The following GABRB3 variants were observed in gnomAD, a reference collection of about 807,000 sequenced individuals.
GABRB3 encodes the protein gamma-aminobutyric acid type A receptor subunit beta3, also known as gamma-aminobutyric acid receptor subunit beta-3.
In GABRB3, 14 loss-of-function variants were observed where a neutral mutation model predicts 52.1. That is an observed-to-expected ratio of 0.27 (90% confidence interval 0.18 to 0.42). The LOEUF (loss-of-function observed/expected upper bound fraction) is 0.42, where lower values mean the gene tolerates loss of function less well. Ranked by LOEUF, GABRB3 falls within the 10% of genes least tolerant of loss-of-function variation. The probability of loss-of-function intolerance (pLI) is 1.00; values close to 1 mark genes in which losing one functional copy is unlikely to be tolerated. For synonymous variants in GABRB3, 260 were observed against 232.3 expected (o/e 1.12, Z -1.08); for missense variants, 307 against 609.1 (o/e 0.50, Z 5.22).
At chr15:26,617,851 A>AG (rs1392156931) in intron 4 of GABRB3, among the ~76,000 whole-genome samples, 1 of 151,766 alleles carries the variant, frequency 6.6e-6, no homozygotes, top group African/African-American at 2.4e-5. Flanking sequence ...AAAAATCACA[A>AG]GCATTCTTAT....
chr15:26,723,390 C>A (rs1322609181), intron 3 of GABRB3, among the ~76,000 whole-genome samples: 1 of 152,192 alleles, frequency 6.6e-6, no homozygotes, highest in Admixed American at 6.5e-5. Flanking sequence ...TGGAATATAA[C>A]CCCTCCCTAC....
chr15:26,686,029 TC>T (rs1159116624), intron 3 of GABRB3, among the ~76,000 whole-genome samples: 3 of 152,124 alleles, frequency 2.0e-5, no homozygotes, highest in African/African-American at 7.2e-5. Context: ...CCGGCTGGTC[TC>T]GAATTCCTGG....
chr15:26,764,165 AAAAAAAAAAAAAAAATATATATATAT>A (rs1890907770), intron 3 of GABRB3, among the ~76,000 whole-genome samples: 2 of 39,940 alleles, frequency 5.0e-5, no homozygotes, highest in South Asian at 1.4e-3. Flanking sequence ...AAAAAAAAAA[AAAAAAAAAAAAAAAATATATATATAT>A]ATATATATAT....
At chr15:26,677,844 A>G (rs1888116638) in intron 3 of GABRB3, among the ~76,000 whole-genome samples, 2 of 152,210 alleles carry the variant, frequency 1.3e-5, no homozygotes, top group Non-Finnish European at 2.9e-5. Flanking sequence ...CAGGGAACTA[A>G]AACTGTCCTC....
intron 3 of GABRB3, among the ~76,000 whole-genome samples, chr15:26,744,267 T>TA (rs780733511): frequency 6.6e-6 from 1 of 152,204 alleles, no homozygotes; most frequent in African/African-American, 2.4e-5. Context: ...ATATTTCACT[T>TA]AAAAAATTAG....
intron 3 of GABRB3, among the ~76,000 whole-genome samples, chr15:26,644,571 C>A (rs1893298520): frequency 6.6e-6 from 1 of 152,214 alleles, no homozygotes; most frequent in Non-Finnish European, 1.5e-5. Context: ...AAGGAGCCAA[C>A]CCTGCTGGCA....
intron 3 of GABRB3, among the ~76,000 whole-genome samples, chr15:26,698,207 C>T (rs1888806154): frequency 6.6e-6 from 1 of 152,178 alleles, no homozygotes; most frequent in African/African-American, 2.4e-5. Context: ...ACATGAATAA[C>T]GTCATTAGCC....
chr15:26,756,870 T>C (rs1004610639), intron 3 of GABRB3, among the ~76,000 whole-genome samples: 2 of 152,158 alleles, frequency 1.3e-5, no homozygotes, highest in African/African-American at 4.8e-5. Context: ...TTTGCAGCTC[T>C]GAAAACCCCT....
chr15:26,684,664 T>C (rs932449481), intron 3 of GABRB3, among the ~76,000 whole-genome samples: 3 of 151,996 alleles, frequency 2.0e-5, no homozygotes, highest in African/African-American at 7.2e-5. Context: ...CTATTTCCGA[T>C]AGTGCTAGGT....
At chr15:26,577,089 T>G (rs372641022) in intron 6 of GABRB3, among the ~76,000 whole-genome samples, 3 of 152,068 alleles carry the variant, frequency 2.0e-5, no homozygotes, top group East Asian at 3.9e-4. Flanking sequence ...GATGACAAGA[T>G]CGGGTACGTG....
chr15:26,737,985 G>C (rs1401051796), intron 3 of GABRB3, among the ~76,000 whole-genome samples: 3 of 152,144 alleles, frequency 2.0e-5, no homozygotes, highest in Non-Finnish European at 4.4e-5. Context: ...GAATGTTTCT[G>C]TGTGGTTGAT....
At chr15:26,560,307 C>A (rs977616976) in intron 8 of GABRB3, among the ~76,000 whole-genome samples, 2 of 152,136 alleles carry the variant, frequency 1.3e-5, no homozygotes, top group African/African-American at 4.8e-5. Context: ...ACCATTAGGC[C>A]CTGTTACTCA....
intron 5 of GABRB3, among the ~76,000 whole-genome samples, chr15:26,582,197 G>A (rs1890814369): frequency 6.6e-6 from 1 of 152,142 alleles, no homozygotes; most frequent in South Asian, 2.1e-4. Context: ...ATACACCACT[G>A]CCCATACACC....
At chr15:26,773,633 C>T, upstream of GABRB3, 3 of 1,552,478 alleles carry the variant, frequency 1.9e-6, no homozygotes, top group Non-Finnish European at 2.6e-6. Flanking sequence ...CGCCGGGAAG[C>T]CCCCGCCTCA....
chr15:26,709,864 T>C (rs945691571), intron 3 of GABRB3, among the ~76,000 whole-genome samples: 3 of 152,178 alleles, frequency 2.0e-5, no homozygotes, highest in Admixed American at 6.5e-5. Context: ...TATTCCTTTA[T>C]AGCAACACAA....
chr15:26,705,275 T>C (rs1044930770), intron 3 of GABRB3, among the ~76,000 whole-genome samples: 16 of 152,200 alleles, frequency 1.1e-4, no homozygotes, highest in African/African-American at 3.4e-4. Context: ...ATCAAGCGCC[T>C]TTATAAAGAC....
At chr15:26,568,730 T>C (rs1890281352) in intron 6 of GABRB3, among the ~76,000 whole-genome samples, 1 of 146,360 alleles carries the variant, frequency 6.8e-6, no homozygotes, top group African/African-American at 2.5e-5. Context: ...TTGGCCAGAC[T>C]GGTCTTGAAC....
At chr15:26,672,534 CT>C (rs529687043) in intron 3 of GABRB3, among the ~76,000 whole-genome samples, 53 of 152,284 alleles carry the variant, frequency 3.5e-4, no homozygotes, top group African/African-American at 1.3e-3. Flanking sequence ...CATGATGCCC[CT>C]ATGCACATAA....
At chr15:26,664,702 T>TTC in intron 3 of GABRB3, among the ~76,000 whole-genome samples, 1 of 123,738 alleles carries the variant, frequency 8.1e-6, no homozygotes, top group African/African-American at 2.9e-5. Context: ...TTTCTTTTCT[T>TTC]TGTTTTTTTT....
Sources: gnomAD v4.1 joint callset for allele counts (sites outside exome capture counted in the v4.1 genomes callset) on GRCh38, gnomAD v4.1.1 for gene constraint, MANE v1.5 for transcripts, NCBI Gene and HGNC (gene_info 2026-07-23, HGNC 2026-07-21) for gene names.